The following SSH2 variants were observed in gnomAD, a reference collection of about 807,000 sequenced individuals.
SSH2 encodes the protein slingshot protein phosphatase 2.
In SSH2, 37 loss-of-function variants were observed where a neutral mutation model predicts 135.2. The ratio of observed to expected loss-of-function variants is 0.27; its 90% confidence interval spans 0.21 to 0.36. SSH2 has a LOEUF of 0.36. SSH2 is among the 10% of genes least tolerant of loss of function. The pLI is 1.00. For synonymous variants in SSH2, 628 were observed against 646.2 expected (o/e 0.97, Z 0.43); for missense variants, 1,408 against 1,765.3 (o/e 0.80, Z 3.63).
At chr17:29,681,461 G>T (rs2037986512) in intron 6 of SSH2, among the ~76,000 whole-genome samples, 1 of 143,610 alleles carries the variant, frequency 7.0e-6, no homozygotes, top group Admixed American at 7.2e-5. Context: ...CTCCATTTAA[G>T]TATAACTACT....
chr17:29,638,041 G>A (rs2035986097), intron 14 of SSH2, among the ~76,000 whole-genome samples: 1 of 152,018 alleles, frequency 6.6e-6, no homozygotes, highest in Admixed American at 6.5e-5. Context: ...TTGAACCCGG[G>A]AGGCAGAGGT....
chr17:29,693,675 A>C (rs975256260), intron 5 of SSH2, among the ~76,000 whole-genome samples: 6 of 152,206 alleles, frequency 3.9e-5, no homozygotes, highest in African/African-American at 1.2e-4. Flanking sequence ...TAAATGTATA[A>C]TGTTACTTTT....
At chr17:29,801,583 G>C (rs2042251348) in intron 2 of SSH2, among the ~76,000 whole-genome samples, 1 of 152,124 alleles carries the variant, frequency 6.6e-6, no homozygotes, top group Non-Finnish European at 1.5e-5. Flanking sequence ...GATGCTCTCT[G>C]TCTCCCTCCA....
At chr17:29,724,581 CTTTTTTTTTT>C (rs560435177) in intron 3 of SSH2, among the ~76,000 whole-genome samples, 19 of 76,552 alleles carry the variant, frequency 2.5e-4, no homozygotes, top group African/African-American at 1.2e-3. Flanking sequence ...ATTACCAAAT[CTTTTTTTTTT>C]TTTTTTTTTT....
intron 3 of SSH2, among the ~76,000 whole-genome samples, chr17:29,708,426 A>G (rs1476411309): frequency 6.6e-6 from 1 of 152,058 alleles, no homozygotes; most frequent in Non-Finnish European, 1.5e-5. Flanking sequence ...CATCTCGACT[A>G]AAAATACAAA....
At chr17:29,901,266 C>T (rs2151459752) in intron 1 of SSH2, among the ~76,000 whole-genome samples, 1 of 152,004 alleles carries the variant, frequency 6.6e-6, no homozygotes, top group South Asian at 2.1e-4. Context: ...TACCCTAAAA[C>T]TTAAAGTATA....
At chr17:29,764,349 G>T (rs551872413) in intron 3 of SSH2, among the ~76,000 whole-genome samples, 80 of 152,320 alleles carry the variant, frequency 5.3e-4, no homozygotes, top group Admixed American at 3.7e-3. Context: ...TTTAAAAGTT[G>T]AGCAAATTCC....
intron 1 of SSH2, among the ~76,000 whole-genome samples, chr17:29,889,802 CAAAAAAAAA>C (rs534822390): frequency 4.0e-5 from 2 of 49,472 alleles, no homozygotes; most frequent in Admixed American, 2.5e-4. Context: ...CCATCTCTAC[CAAAAAAAAA>C]AAAAAAAAAA....
At chr17:29,640,212 G>A (rs1054971261) in intron 14 of SSH2, among the ~76,000 whole-genome samples, 4 of 151,934 alleles carry the variant, frequency 2.6e-5, no homozygotes, top group Non-Finnish European at 5.9e-5. Context: ...CTGAGTAGCT[G>A]GGACTACAGG....
intron 12 of SSH2, among the ~76,000 whole-genome samples, chr17:29,651,279 T>C (rs903591310): frequency 4.6e-5 from 7 of 152,230 alleles, no homozygotes; most frequent in Non-Finnish European, 1.0e-4. Flanking sequence ...CTTCCTATTT[T>C]TCTAAATGCC....
chr17:29,761,381 T>A (rs1413781765), intron 3 of SSH2: 1 of 1,066,406 alleles, frequency 9.4e-7, no homozygotes, highest in Non-Finnish European at 1.1e-6. Context: ...GCCCGCCGGG[T>A]CGCGCGGAGG....
At position 29,654,879 on chromosome 17, in the gene SSH2, G is replaced by A. The variant is rs150382471; in HGVS notation, c.1079+682C>T. The stretch of plus-strand genomic sequence containing the variant: ...AGGGACTGAGTCTTAATTTATCTGT[G>A]GATCCCCAGCACCTAGCACTTTGTC... On this transcript the variant is annotated intron_variant, in intron 12 of 15. Transcript: ENST00000540801. 2.4e-3 allele frequency among the ~76,000 whole-genome samples: 372 copies of A among 152,150 alleles called. 2 individuals carry two copies. The highest frequency in any genetic ancestry group is 6.8e-3 in the Middle Eastern group (2 of 294).
intron 1 of SSH2, among the ~76,000 whole-genome samples, chr17:29,852,295 T>C (rs559392919): frequency 6.6e-6 from 1 of 151,842 alleles, no homozygotes; most frequent in East Asian, 1.9e-4. Flanking sequence ...AAAATGACCT[T>C]TCAAGAAAGA....
At chr17:29,743,128 T>C (rs2040628759) in intron 3 of SSH2, among the ~76,000 whole-genome samples, 1 of 151,956 alleles carries the variant, frequency 6.6e-6, no homozygotes, top group Non-Finnish European at 1.5e-5. Context: ...GGTGAGGTTT[T>C]ACTATGTTGG....
Position 29,629,865 on chromosome 17 carries a change from T to C in SSH2, c.*976A>G, listed in dbSNP as rs2035601549. On this transcript the variant is annotated 3_prime_UTR_variant, in exon 16 of 16. Coordinates refer to ENST00000540801, the MANE Select transcript of SSH2 (RefSeq NM_001282129.2). ...GGAAGGAAAATAAACTGGAAGAAAA[T>C]ATGGCCATTAAACTCAGAAGGCCCA... 1 of 152,380 alleles carries C rather than the reference T, an allele frequency of 6.6e-6. No individual in the cohort carries two copies. Among genetic ancestry groups the C allele is most frequent in the Non-Finnish European group, 1.5e-5 (1 of 67,976 alleles). 9.4% of individuals were successfully genotyped at this position (152,380 alleles called of 1,614,324 possible).
chr17:29,666,025 T>C (rs957528724), intron 11 of SSH2, among the ~76,000 whole-genome samples: 3 of 152,238 alleles, frequency 2.0e-5, no homozygotes, highest in African/African-American at 7.2e-5. Context: ...TTGGCAGATT[T>C]GAGAGTGATC....
chr17:29,797,211 G>A (rs2042173808), intron 2 of SSH2, among the ~76,000 whole-genome samples: 1 of 151,832 alleles, frequency 6.6e-6, no homozygotes, highest in Non-Finnish European at 1.5e-5. Flanking sequence ...AAATGTATGT[G>A]TCTACGTAAT....
chr17:29,761,080 G>T, intron 3 of SSH2: 1 of 1,279,978 alleles, frequency 7.8e-7, no homozygotes, highest in African/African-American at 1.5e-5. Context: ...CAGGATGCTG[G>T]GGAAAGCGGC....
intron 3 of SSH2, chr17:29,761,406 C>T (rs959030373): frequency 2.8e-6 from 3 of 1,060,488 alleles, no homozygotes; most frequent in Non-Finnish European, 1.1e-6. Flanking sequence ...CGCCGAAGCC[C>T]CAGGGCTCGG....
Sources: gnomAD v4.1 joint callset for allele counts (sites outside exome capture counted in the v4.1 genomes callset) on GRCh38, gnomAD v4.1.1 for gene constraint, MANE v1.5 for transcripts, NCBI Gene and HGNC (gene_info 2026-07-23, HGNC 2026-07-21) for gene names.